The following SPECC1 variants were observed in gnomAD, a reference collection of about 807,000 sequenced individuals.
SPECC1 encodes cytospin-B.
In SPECC1, 62 loss-of-function variants were observed where a neutral mutation model predicts 104.1. The observed-to-expected ratio is 0.60, with a 90% CI of 0.49 to 0.74. SPECC1 has a LOEUF of 0.74. Ranked by LOEUF, SPECC1 falls within the 30% of genes least tolerant of loss-of-function variation. The probability of loss-of-function intolerance (pLI) is 0.00; values close to 1 mark genes in which losing one functional copy is unlikely to be tolerated. For missense variants in SPECC1, 1,306 were observed against 1,310.5 expected (o/e 1.00, Z 0.05); for synonymous variants, 513 against 501.6 (o/e 1.02, Z -0.30).
At chr17:20,231,705 C>T in intron 5 of SPECC1, 53 bp from the exon 6 acceptor site, 13 of 1,559,680 alleles carry the variant, frequency 8.3e-6, no homozygotes, top group Non-Finnish European at 1.1e-5. Context: ...AGCGTGTCTT[C>T]TCTTAAGAGT....
chr17:20,083,010 A>G (rs550769064), intron 1 of SPECC1, among the ~76,000 whole-genome samples: 3 of 150,538 alleles, frequency 2.0e-5, no homozygotes, highest in Non-Finnish European at 4.4e-5. Context: ...TCGTTCATTC[A>G]TCCATCTAAA....
intron 1 of SPECC1, among the ~76,000 whole-genome samples, chr17:20,078,555 G>C (rs1455988139): frequency 1.3e-5 from 2 of 152,144 alleles, no homozygotes; most frequent in African/African-American, 4.8e-5. Flanking sequence ...ATCATAGGAA[G>C]ATGGGAACTG....
At chr17:20,273,146 G>A (rs2040463460) in intron 12 of SPECC1, among the ~76,000 whole-genome samples, 1 of 152,148 alleles carries the variant, frequency 6.6e-6, no homozygotes, top group South Asian at 2.1e-4. Context: ...TCTCCTGCTG[G>A]AGGACATCAA....
intron 14 of SPECC1, among the ~76,000 whole-genome samples, chr17:20,309,336 G>A (rs2041862668): frequency 6.6e-6 from 1 of 152,144 alleles, no homozygotes; most frequent in Non-Finnish European, 1.5e-5. Flanking sequence ...TGTCTTATAT[G>A]TTTATATTCA....
chr17:20,145,973 A>T (rs1262074803), intron 3 of SPECC1, among the ~76,000 whole-genome samples: 1 of 152,222 alleles, frequency 6.6e-6, no homozygotes, highest in African/African-American at 2.4e-5. Flanking sequence ...GAAAGTTTCC[A>T]TATATACCCC....
chr17:20,298,948 A>AGAGAGAGTGTGG, intron 13 of SPECC1, among the ~76,000 whole-genome samples: 1 of 49,072 alleles, frequency 2.0e-5, no homozygotes, highest in Non-Finnish European at 3.7e-5. Context: ...AGAGAGAGAG[A>AGAGAGAGTGTGG]GTGTGTGTGT....
intron 1 of SPECC1, among the ~76,000 whole-genome samples, chr17:20,047,227 C>T (rs530864951): frequency 4.0e-4 from 61 of 152,162 alleles, no homozygotes; most frequent in Non-Finnish European, 7.8e-4. Flanking sequence ...TTAAATAATG[C>T]GTGACATTCT....
chr17:20,114,740 T>C (rs1264118422), intron 3 of SPECC1, among the ~76,000 whole-genome samples: 2 of 152,236 alleles, frequency 1.3e-5, no homozygotes, highest in East Asian at 1.9e-4. Context: ...TTAGTATTTA[T>C]GTAGTGTATT....
chr17:20,173,929 T>G (rs1458043190), intron 3 of SPECC1, among the ~76,000 whole-genome samples: 4 of 10,750 alleles, frequency 3.7e-4, no homozygotes, highest in Non-Finnish European at 2.8e-4. Flanking sequence ...GTTTTTGGTG[T>G]TTTTTTTTTT....
At chr17:20,115,470 C>G (rs972585415) in intron 3 of SPECC1, among the ~76,000 whole-genome samples, 1 of 151,164 alleles carries the variant, frequency 6.6e-6, no homozygotes, top group Admixed American at 6.6e-5. Flanking sequence ...AAGACTGTCT[C>G]AAATAAATAA....
chr17:20,074,909 T>A (rs781057577), intron 1 of SPECC1, among the ~76,000 whole-genome samples: 13 of 152,192 alleles, frequency 8.5e-5, no homozygotes, highest in Non-Finnish European at 1.3e-4. Context: ...TCCAATATGT[T>A]ATTTTTTTTT....
chr17:20,108,050 T>C (rs1597719004), intron 2 of SPECC1, among the ~76,000 whole-genome samples: 1 of 152,150 alleles, frequency 6.6e-6, no homozygotes, highest in African/African-American at 2.4e-5. Context: ...TAAAAGGCAA[T>C]GGCGAGTTAC....
intron 3 of SPECC1, among the ~76,000 whole-genome samples, chr17:20,164,638 A>G (rs183523036): frequency 6.6e-6 from 1 of 152,168 alleles, no homozygotes; most frequent in African/African-American, 2.4e-5. Flanking sequence ...ATTCAGGGAT[A>G]TTCTGTGCTT....
chr17:20,282,564 G>C (rs2040810607), intron 12 of SPECC1, among the ~76,000 whole-genome samples: 1 of 152,170 alleles, frequency 6.6e-6, no homozygotes, highest in South Asian at 2.1e-4. Flanking sequence ...GGAAGAATAA[G>C]CAACTAAGAA....
At chr17:20,119,356 C>T (rs1275175987) in intron 3 of SPECC1, among the ~76,000 whole-genome samples, 1 of 152,242 alleles carries the variant, frequency 6.6e-6, no homozygotes, top group Non-Finnish European at 1.5e-5. Flanking sequence ...CCTCAGCCTC[C>T]TGAGTAGCTG....
chr17:20,318,132 AGTT>A lies in SPECC1; in HGVS notation c.*4071_*4073del, dbSNP rs1314275891. On this transcript the variant is annotated 3_prime_UTR_variant, in exon 15 of 15. Coordinates refer to ENST00000395527, the MANE Select transcript of SPECC1 (RefSeq NM_001243439.2). Reference sequence around the variant, plus strand: ...AGCCAGTAGTCATTTAAAATTCTTCAGTTGTTCTGAAGATCCTTTTTTTAATGT... The same window carrying A: ...AGCCAGTAGTCATTTAAAATTCTTCAGTTCTGAAGATCCTTTTTTTAATGT... The A allele has an allele frequency of 4.3e-6, 1 of 231,058 alleles. No homozygotes were observed. Among genetic ancestry groups the A allele is most frequent in the African/African-American group, 2.2e-5 (1 of 45,208 alleles). 14.3% of individuals were successfully genotyped at this position (231,058 alleles called of 1,614,324 possible).
intron 2 of SPECC1, among the ~76,000 whole-genome samples, chr17:20,103,020 G>A (rs2048015073): frequency 1.3e-5 from 2 of 152,164 alleles, no homozygotes; most frequent in African/African-American, 4.8e-5. Flanking sequence ...GCACAGAGAG[G>A]ACGTGATTTG....
intron 3 of SPECC1, 112 bp from the exon 4 acceptor site, chr17:20,204,221 G>A: frequency 7.7e-7 from 1 of 1,303,946 alleles, no homozygotes; most frequent in Non-Finnish European, 1.1e-6. Context: ...GGAGGAAATG[G>A]ATGAAGAGCG....
chr17:20,038,000 G>A (rs2045160783), intron 1 of SPECC1, among the ~76,000 whole-genome samples: 1 of 152,058 alleles, frequency 6.6e-6, no homozygotes, highest in Admixed American at 6.6e-5. Context: ...GGTAATTTGT[G>A]TTTTTTCAGT....
Sources: gnomAD v4.1 joint callset for allele counts (sites outside exome capture counted in the v4.1 genomes callset) on GRCh38, gnomAD v4.1.1 for gene constraint, MANE v1.5 for transcripts, NCBI Gene and HGNC (gene_info 2026-07-23, HGNC 2026-07-21) for gene names.